LCLAT1: variants seen among roughly 807,000 people sequenced by gnomAD.
LCLAT1 encodes lysocardiolipin acyltransferase 1, also known as 1-AGP acyltransferase 8.
A neutral mutation model predicts 30.7 loss-of-function variants in LCLAT1; 11 were observed. That is an observed-to-expected ratio of 0.36 (90% CI 0.23 to 0.59). LCLAT1 has a LOEUF of 0.59. Among genes scored for constraint, LCLAT1 ranks in the 20% least tolerant of loss-of-function variants. The pLI, the probability that LCLAT1 is intolerant of heterozygous loss-of-function variation, is 0.77. For missense variants in LCLAT1, 402 were observed against 458.6 expected (o/e 0.88, Z 1.13); for synonymous variants, 155 against 151.3 (o/e 1.02, Z -0.18).
chr2:30,456,213 C>G (rs1681827393), intron 1 of LCLAT1, among the ~76,000 whole-genome samples: 2 of 152,176 alleles, frequency 1.3e-5, no homozygotes, highest in African/African-American at 4.8e-5. Flanking sequence ...GTCAGCCCCT[C>G]TTTAGGACTC....
chr2:30,622,911 A>G (rs1668333845), intron 5 of LCLAT1, among the ~76,000 whole-genome samples: 2 of 152,216 alleles, frequency 1.3e-5, no homozygotes, highest in Non-Finnish European at 2.9e-5. Context: ...TAAGAGCCCC[A>G]AAAGATCACC....
chr2:30,524,379 AT>A (rs1481136868), intron 1 of LCLAT1, among the ~76,000 whole-genome samples: 8 of 152,328 alleles, frequency 5.3e-5, no homozygotes, highest in East Asian at 3.9e-4. Context: ...ATATTTCTGG[AT>A]TTTAAAAAAT....
chr2:30,622,506 A>G (rs1010926893), intron 5 of LCLAT1, among the ~76,000 whole-genome samples: 57 of 152,242 alleles, frequency 3.7e-4, no homozygotes, highest in African/African-American at 1.3e-3. Context: ...AACACAAAAA[A>G]CAGCACACTG....
intron 1 of LCLAT1, among the ~76,000 whole-genome samples, chr2:30,466,751 C>T (rs1682453910): frequency 6.6e-6 from 1 of 152,030 alleles, no homozygotes; most frequent in Non-Finnish European, 1.5e-5. Context: ...AACAAGCTCC[C>T]CACCCCCTGG....
intron 1 of LCLAT1, among the ~76,000 whole-genome samples, chr2:30,524,711 G>A (rs1685626013): frequency 6.6e-6 from 1 of 151,824 alleles, no homozygotes; most frequent in East Asian, 1.9e-4. Context: ...TGACTGTCGA[G>A]GTATAGCAGT....
At chr2:30,469,756 A>G (rs1682680395) in intron 1 of LCLAT1, among the ~76,000 whole-genome samples, 1 of 151,700 alleles carries the variant, frequency 6.6e-6, no homozygotes, top group African/African-American at 2.4e-5. Context: ...GACTACAGGC[A>G]TGTGCCACCT....
At chr2:30,584,965 A>C (rs940738087) in intron 5 of LCLAT1, among the ~76,000 whole-genome samples, 91 of 150,208 alleles carry the variant, frequency 6.1e-4, no homozygotes, top group Non-Finnish European at 1.0e-3. Flanking sequence ...AAAAAAAAAA[A>C]AACCCTCTAG....
At chr2:30,583,886 G>C (rs1208822913) in intron 5 of LCLAT1, among the ~76,000 whole-genome samples, 4 of 151,986 alleles carry the variant, frequency 2.6e-5, no homozygotes, top group African/African-American at 9.7e-5. Flanking sequence ...AAATAAACAA[G>C]AAGATAAGGG....
intron 1 of LCLAT1, chr2:30,459,707 A>T (rs140893227): frequency 6.2e-7 from 1 of 1,613,154 alleles, no homozygotes; most frequent in Non-Finnish European, 8.5e-7. Context: ...ATAAAGCAGG[A>T]CTCTAAAAGC....
chr2:30,516,424 C>T (rs535310324), intron 1 of LCLAT1, among the ~76,000 whole-genome samples: 186 of 152,292 alleles, frequency 1.2e-3, no homozygotes, highest in African/African-American at 4.2e-3. Context: ...AGCAAGGCGC[C>T]CATTGCCGCT....
At chr2:30,579,524 A>T (rs1295972573) in intron 5 of LCLAT1, among the ~76,000 whole-genome samples, 3 of 152,174 alleles carry the variant, frequency 2.0e-5, no homozygotes, top group Non-Finnish European at 4.4e-5. Context: ...CAGAAACAGC[A>T]TACAAGTGCA....
chr2:30,574,002 A>G (rs776700117), intron 5 of LCLAT1, among the ~76,000 whole-genome samples: 1 of 152,002 alleles, frequency 6.6e-6, no homozygotes, highest in Non-Finnish European at 1.5e-5. Context: ...TTAGCCAAGC[A>G]TTGTGGCACA....
chr2:30,469,474 C>G (rs776646909), intron 1 of LCLAT1, among the ~76,000 whole-genome samples: 9 of 151,856 alleles, frequency 5.9e-5, no homozygotes, highest in Non-Finnish European at 1.2e-4. Flanking sequence ...ATATTGTTCT[C>G]TCTCCATTGA....
At chr2:30,497,442 T>C (rs923083348) in intron 1 of LCLAT1, among the ~76,000 whole-genome samples, 1 of 152,216 alleles carries the variant, frequency 6.6e-6, no homozygotes, top group Admixed American at 6.5e-5. Flanking sequence ...TTATTAAAAA[T>C]GTTAGACTTT....
chr2:30,496,789 C>A (rs999289369), intron 1 of LCLAT1, among the ~76,000 whole-genome samples: 6 of 152,160 alleles, frequency 3.9e-5, no homozygotes, highest in Non-Finnish European at 4.4e-5. Flanking sequence ...CAAGCACGTA[C>A]CTGCCCAGGG....
chr2:30,471,375 A>T (rs189430480), intron 1 of LCLAT1, among the ~76,000 whole-genome samples: 1 of 151,188 alleles, frequency 6.6e-6, no homozygotes, highest in African/African-American at 2.4e-5. Flanking sequence ...ACACCTGACT[A>T]GTTTTTGTAT....
At chr2:30,479,860 A>G (rs900232258) in intron 1 of LCLAT1, among the ~76,000 whole-genome samples, 2 of 152,358 alleles carry the variant, frequency 1.3e-5, no homozygotes, top group East Asian at 3.9e-4. Flanking sequence ...ATTGGGAGCC[A>G]GGAAAACTGA....
At chr2:30,464,175 T>C (rs1393539426) in intron 1 of LCLAT1, among the ~76,000 whole-genome samples, 1 of 152,222 alleles carries the variant, frequency 6.6e-6, no homozygotes, top group Non-Finnish European at 1.5e-5. Flanking sequence ...GGTGTCATGC[T>C]ACATATTAGT....
chr2:30,482,233 A>G (rs1683355939), intron 1 of LCLAT1, among the ~76,000 whole-genome samples: 1 of 152,208 alleles, frequency 6.6e-6, no homozygotes, highest in Admixed American at 6.5e-5. Flanking sequence ...TAAACTAAGC[A>G]CTGTTTCTGT....
Sources: allele counts gnomAD v4.1 joint callset (sites outside exome capture counted in the v4.1 genomes callset), GRCh38; gene constraint gnomAD v4.1.1; transcripts MANE v1.5; gene names NCBI Gene and HGNC (gene_info 2026-07-23, HGNC 2026-07-21).